Variants in SDR42E2 observed in about 807,000 individuals in gnomAD.
SDR42E2 encodes the protein short chain dehydrogenase/reductase family 42E, member 2.
Under a neutral mutation model 10.5 loss-of-function variants are expected in SDR42E2, and 20 were observed. The observed-to-expected ratio is 1.90, with a 90% confidence interval of 1.34 to 2.77. The LOEUF is 2.77. Among genes scored for constraint, SDR42E2 ranks in the 30% most tolerant of loss-of-function variants. The pLI is 0.00. For synonymous variants in SDR42E2, 72 were observed against 39.2 expected (o/e 1.84, Z -3.12); for missense variants, 162 against 104.2 (o/e 1.55, Z -2.42).
intron 7 of SDR42E2, among the ~76,000 whole-genome samples, chr16:22,177,398 G>A (rs769176198): frequency 3.3e-5 from 5 of 152,132 alleles, no homozygotes; most frequent in Admixed American, 3.3e-4. Flanking sequence ...AGGCCAAGGC[G>A]GGTGGATCAC....
Position 22,191,564 on chromosome 16 carries a change from G to A in SDR42E2, c.*1171G>A, listed in dbSNP as rs1160926462. 1 of 152,134 alleles carries A rather than the reference G, an allele frequency of 6.6e-6. No homozygotes were observed. Among genetic ancestry groups the A allele is most frequent in the Non-Finnish European group, 1.5e-5 (1 of 68,044 alleles). The allele number at this position is 152,134 out of a possible 1,614,324, so 9.4% of individuals were successfully genotyped here. On this transcript the variant is annotated 3_prime_UTR_variant, in exon 13 of 13. Transcript: ENST00000602312. ...ACAGATCTGTGTGTTGACAGCCAGG[G>A]TTTGGGGAAAAACCGAGACTCAAGC...
chr16:22,164,866 G>A (rs1158491733), intron 1 of SDR42E2, among the ~76,000 whole-genome samples: 1 of 152,184 alleles, frequency 6.6e-6, no homozygotes, highest in Non-Finnish European at 1.5e-5. Flanking sequence ...TCCCAGTCTG[G>A]TGAGGTTCCC....
Position 22,171,584 on chromosome 16 carries a change from G to A in SDR42E2, c.513+633G>A, listed in dbSNP as rs138820456. Among the ~76,000 whole-genome samples the A allele has an allele frequency of 3.3e-5, 5 of 152,020 alleles. No homozygotes were observed. The East Asian group carries it at 7.7e-4, about 24-fold the overall frequency. ...GCTTTGCTCTGTCACTCAGACTGGA[G>A]TGCAGTGTCATGATCTCAGCTCACT... On this transcript the variant is annotated intron_variant, in intron 6 of 12. Transcript: ENST00000602312.
In SDR42E2 at chr16:22,175,744, G is replaced by A. The variant is rs778775109; in HGVS notation, c.590-2386G>A. Among the ~76,000 whole-genome samples the A allele has an allele frequency of 2.6e-5, 4 of 152,072 alleles. 1 individual carries two copies. Among genetic ancestry groups the A allele is most frequent in the Non-Finnish European group, 4.4e-5 (3 of 68,010 alleles). ...ACAGTGGCTTACGCCTGTAATCCCA[G>A]CACTTTGGGAGGCTGAGGTGGGTGG... On this transcript the variant is annotated intron_variant, in intron 7 of 12. Transcript: ENST00000602312.
intron 11 of SDR42E2, 53 bp downstream of exon 11, chr16:22,184,297 C>T (rs2046720141): frequency 2.5e-6 from 1 of 400,088 alleles, no homozygotes; most frequent in African/African-American, 2.1e-5. Flanking sequence ...GTGTACCTTG[C>T]ATTGCCTTAA....
intron 8 of SDR42E2, among the ~76,000 whole-genome samples, chr16:22,179,261 T>A (rs550415898): frequency 6.6e-6 from 1 of 152,316 alleles, no homozygotes; most frequent in African/African-American, 2.4e-5. Context: ...GTTGCTGGGA[T>A]GACAGGCGTG....
intron 7 of SDR42E2, among the ~76,000 whole-genome samples, chr16:22,172,784 T>C (rs2046612407): frequency 6.6e-6 from 1 of 152,144 alleles, no homozygotes; most frequent in African/African-American, 2.4e-5. Flanking sequence ...CTGTCTTAGT[T>C]ATTTATTTGT....
rs1437749787 is a variant in SDR42E2 at position 22,166,349 on chromosome 16, AC to A, written c.157del (p.Leu53Ter). The A allele has an allele frequency of 3.0e-5, 12 of 402,768 alleles. No individual in the cohort carries two copies. Among genetic ancestry groups the A allele is most frequent in the Admixed American group, 4.4e-5 (1 of 22,838 alleles). 24.9% of individuals were successfully genotyped at this position (402,768 alleles called of 1,614,324 possible). A position where few individuals can be genotyped will look rare whatever the true frequency, so the allele number is the denominator to read the frequency against. ...GGYLGFSLGS[H>X]LAKSGTSVIL... ...TACCTGGGCTTCAGCCTGGGATCCC[AC>A]CTAGCCAAGAGCGGCACTTCCGTCA... On this transcript the variant is annotated frameshift_variant, in exon 3 of 13. Transcript: ENST00000602312. LOFTEE classifies it high-confidence loss of function.
At chr16:22,166,505 CT>C (rs2046541519) in intron 3 of SDR42E2, 71 bp downstream of exon 3, 4 of 402,422 alleles carry the variant, frequency 9.9e-6, no homozygotes, top group African/African-American at 6.1e-5. Flanking sequence ...GATGTGAAAC[CT>C]GTGGTGTGGA....
Position 22,190,429 on chromosome 16 carries a change from G to C in SDR42E2, c.*36G>C. 2.5e-6 allele frequency: 1 copy of C among 401,474 alleles called. No homozygotes were observed. 24.9% of individuals were successfully genotyped at this position (401,474 alleles called of 1,614,324 possible). On this transcript the variant is annotated 3_prime_UTR_variant, in exon 13 of 13. Transcript: ENST00000602312. ...TCCGCCGCCCGCTAGGGTCGGCCCC[G>C]CTGCACCCTCGCCCACGCCCGGCTC...
rs1008794708 is a variant in SDR42E2 at position 22,190,372 on chromosome 16, C to T, written c.1248C>T (p.His416=). The stretch of plus-strand genomic sequence containing the variant: ...ACTTCCTAGGCCTGCAGCCTCTGCA[C>T]GCCGCCGTGGAGCGCCTGTGACCGT... ...ALHFLGLQPL[H]AAVERL Residue 416 remains histidine, a synonymous_variant, in exon 13 of 13, where the codon CAC becomes CAT. Transcript: ENST00000602312. The T allele has an allele frequency of 2.2e-5, 9 of 402,444 alleles. No individual in the cohort carries two copies. The allele number at this position is 402,444 out of a possible 1,614,324, so 24.9% of individuals were successfully genotyped here.
At position 22,169,353 on chromosome 16, in the gene SDR42E2, G is replaced by T; in HGVS notation, c.337-92G>T. On this transcript the variant is annotated intron_variant, in intron 4 of 12. Transcript: ENST00000602312. ...CTGCCTCTGAACTGAACATCCTGCT[G>T]CCCTGTCCCACCTGACCCCAAGCTC... is the stretch of plus-strand genomic sequence containing the variant. The T allele has an allele frequency of 4.3e-6, 3 of 698,278 alleles. No individual in the cohort carries two copies. In the Admixed American group the frequency reaches 6.0e-5, roughly 14 times the overall value. 43.3% of individuals were successfully genotyped at this position (698,278 alleles called of 1,614,324 possible). A position where few individuals can be genotyped will look rare whatever the true frequency, so the allele number is the denominator to read the frequency against.
At chr16:22,167,341 C>A (rs865907083) in intron 4 of SDR42E2, among the ~76,000 whole-genome samples, 11 of 151,908 alleles carry the variant, frequency 7.2e-5, no homozygotes, top group Middle Eastern at 3.4e-3. Context: ...GCCACCAACA[C>A]GCCCAGCTAA....
intron 1 of SDR42E2, among the ~76,000 whole-genome samples, chr16:22,163,903 G>A (rs192542939): frequency 2.0e-5 from 3 of 152,204 alleles, no homozygotes; most frequent in Admixed American, 6.6e-5. Flanking sequence ...ACAAATACCC[G>A]TTCTTTCATG....
At chr16:22,184,315 T>A (rs2046720324) in intron 11 of SDR42E2, 71 bp downstream of exon 11, 1 of 398,740 alleles carries the variant, frequency 2.5e-6, no homozygotes, top group South Asian at 1.3e-4. Flanking sequence ...TAATTGAAAC[T>A]CAGGGGCCAG....
chr16:22,175,143 C>G (rs1009304227), intron 7 of SDR42E2, among the ~76,000 whole-genome samples: 1 of 152,170 alleles, frequency 6.6e-6, no homozygotes, highest in Admixed American at 6.6e-5. Context: ...ACAAATGATG[C>G]CACCCAAACT....
At chr16:22,171,038 T>C (rs555869387) in intron 6 of SDR42E2, 87 bp downstream of exon 6, 10 of 694,250 alleles carry the variant, frequency 1.4e-5, no homozygotes, top group Non-Finnish European at 2.4e-5. Flanking sequence ...GCAGGGTTGG[T>C]TTCACAACTC....
intron 5 of SDR42E2, 115 bp from the exon 6 acceptor site, chr16:22,170,718 G>A (rs2046591141): frequency 1.2e-5 from 8 of 672,986 alleles, no homozygotes; most frequent in Admixed American, 8.2e-5. Context: ...AAACTTGGTA[G>A]AGATCTGCAT....
chr16:22,187,888 G>C (rs1279178293), intron 12 of SDR42E2, among the ~76,000 whole-genome samples: 1 of 152,044 alleles, frequency 6.6e-6, no homozygotes, highest in Non-Finnish European at 1.5e-5. Flanking sequence ...CTGAGGTCAG[G>C]AGTTTGAGAC....
Sources: allele counts gnomAD v4.1 joint callset (sites outside exome capture counted in the v4.1 genomes callset), GRCh38; gene constraint gnomAD v4.1.1; transcripts MANE v1.5; gene names NCBI Gene and HGNC (gene_info 2026-07-23, HGNC 2026-07-21).